Variants in MYRIP observed in about 807,000 individuals in gnomAD.
MYRIP encodes myosin VIIA and Rab interacting protein.
Under a neutral mutation model 98.0 loss-of-function variants are expected in MYRIP, and 49 were observed. That is an observed-to-expected ratio of 0.50 (90% CI 0.40 to 0.63). The LOEUF is 0.63. Ranked by LOEUF, MYRIP falls within the 30% of genes least tolerant of loss-of-function variation. The pLI is 0.00. For missense variants in MYRIP, 1,004 were observed against 1,058.2 expected (o/e 0.95, Z 0.71); for synonymous variants, 404 against 409.5 (o/e 0.99, Z 0.16).
At chr3:40,161,349 G>T (rs1404184142) in intron 4 of MYRIP, among the ~76,000 whole-genome samples, 1 of 152,146 alleles carries the variant, frequency 6.6e-6, no homozygotes, top group Non-Finnish European at 1.5e-5. Context: ...TTGTCCTCTG[G>T]TGAGGTCAGT....
intron 1 of MYRIP, among the ~76,000 whole-genome samples, chr3:39,850,295 A>G (rs1942092571): frequency 6.6e-6 from 1 of 152,216 alleles, no homozygotes; most frequent in African/African-American, 2.4e-5. Context: ...GCACTAGCCC[A>G]TTCTCCCGGT....
intron 2 of MYRIP, among the ~76,000 whole-genome samples, chr3:39,910,670 A>G (rs1943999907): frequency 6.6e-6 from 1 of 152,230 alleles, no homozygotes; most frequent in African/African-American, 2.4e-5. Context: ...TGTTTCTAAA[A>G]TTACATCTTA....
At chr3:39,991,595 G>A (rs968368393) in intron 2 of MYRIP, among the ~76,000 whole-genome samples, 9 of 151,860 alleles carry the variant, frequency 5.9e-5, no homozygotes, top group East Asian at 1.9e-4. Context: ...TTATCTTAAC[G>A]CAACAGGCAA....
intron 1 of MYRIP, among the ~76,000 whole-genome samples, chr3:39,820,988 G>T (rs992099722): frequency 1.3e-5 from 2 of 152,086 alleles, no homozygotes; most frequent in Non-Finnish European, 2.9e-5. Context: ...GGTGGATGGG[G>T]ATGCAATGCT....
intron 9 of MYRIP, among the ~76,000 whole-genome samples, chr3:40,189,129 T>C (rs1347231951): frequency 1.1e-4 from 16 of 152,194 alleles, no homozygotes; most frequent in Non-Finnish European, 2.9e-5. Context: ...TGGAGTCAGG[T>C]AGAGGATGCA....
chr3:40,170,452 G>A (rs1056216188), intron 8 of MYRIP, among the ~76,000 whole-genome samples: 20 of 152,114 alleles, frequency 1.3e-4, no homozygotes, highest in Admixed American at 1.2e-3. Flanking sequence ...TAGATTGCTT[G>A]CTTTACTGAA....
intron 10 of MYRIP, among the ~76,000 whole-genome samples, chr3:40,207,684 T>A (rs1951820928): frequency 6.6e-6 from 1 of 152,182 alleles, no homozygotes; most frequent in Non-Finnish European, 1.5e-5. Flanking sequence ...TTGCAAAATG[T>A]TGTGTGATGA....
At chr3:39,889,709 A>G (rs962425441) in intron 1 of MYRIP, among the ~76,000 whole-genome samples, 16 of 152,050 alleles carry the variant, frequency 1.1e-4, no homozygotes, top group African/African-American at 3.9e-4. Flanking sequence ...TTTTTTCCTC[A>G]TTTGACTTTG....
At position 40,167,217 on chromosome 3, in the gene MYRIP, T is replaced by G; in HGVS notation, c.707T>G (p.Leu236Arg). ...RDHKEELTEE[L>R]ATTILQKIIR... is the part of the protein sequence containing the mutation. ...CACAAGGAGGAGCTAACTGAGGAAC[T>G]GGCCACGACAATCCTGCAGAAGGTA... Residue 236 changes from leucine (L) to arginine (R), a missense_variant, in exon 7 of 17, where the codon CTG (leucine) becomes CGG (arginine). Around this residue, in one of 3 missense-constraint regions of MYRIP, gnomAD observed 880 missense variants for 907.7 expected, o/e 0.97. Transcript: ENST00000302541. 2.5e-6 allele frequency: 4 copies of G among 1,614,194 alleles called. No homozygotes were observed. The highest frequency in any genetic ancestry group is 3.4e-6 in the Non-Finnish European group (4 of 1,180,028).
chr3:40,242,103 G>A (rs1953035107), intron 12 of MYRIP: 1 of 152,196 alleles, frequency 6.6e-6, no homozygotes, highest in Non-Finnish European at 1.5e-5. Flanking sequence ...CCAGTCCCCA[G>A]CTGTGAGACC....
At chr3:39,990,203 G>A (rs1355094453) in intron 2 of MYRIP, among the ~76,000 whole-genome samples, 3 of 152,218 alleles carry the variant, frequency 2.0e-5, no homozygotes, top group Non-Finnish European at 4.4e-5. Flanking sequence ...AGGCTGGGTA[G>A]TATGCTCATT....
At chr3:40,184,929 G>A (rs2036427512) in intron 9 of MYRIP, among the ~76,000 whole-genome samples, 1 of 152,150 alleles carries the variant, frequency 6.6e-6, no homozygotes, top group South Asian at 2.1e-4. Context: ...AAAAGGACTT[G>A]GGTGGAAAAC....
At chr3:39,892,999 G>GT (rs1180940009) in intron 1 of MYRIP, among the ~76,000 whole-genome samples, 1 of 152,158 alleles carries the variant, frequency 6.6e-6, no homozygotes, top group African/African-American at 2.4e-5. Flanking sequence ...GCCAAGTATG[G>GT]TAAGAGTTTG....
intron 11 of MYRIP, among the ~76,000 whole-genome samples, chr3:40,226,082 A>G (rs760559185): frequency 1.3e-5 from 2 of 152,156 alleles, no homozygotes; most frequent in Non-Finnish European, 2.9e-5. Flanking sequence ...GATCGTATGT[A>G]GCCCTTCAGC....
At chr3:40,004,702 C>T (rs1946594450) in intron 2 of MYRIP, among the ~76,000 whole-genome samples, 1 of 152,164 alleles carries the variant, frequency 6.6e-6, no homozygotes, top group South Asian at 2.1e-4. Context: ...CATAGCTTAG[C>T]TCCCACTTAT....
At chr3:39,984,899 A>G (rs1375182474) in intron 2 of MYRIP, among the ~76,000 whole-genome samples, 1 of 151,214 alleles carries the variant, frequency 6.6e-6, no homozygotes, top group African/African-American at 2.4e-5. Context: ...TTGTTTCCTG[A>G]CTTTTTAATG....
At chr3:39,971,700 G>C (rs1337535869) in intron 2 of MYRIP, among the ~76,000 whole-genome samples, 1 of 151,902 alleles carries the variant, frequency 6.6e-6, no homozygotes, top group Non-Finnish European at 1.5e-5. Context: ...TCATTATTCA[G>C]CCTTGGTCAC....
intron 2 of MYRIP, among the ~76,000 whole-genome samples, chr3:40,020,057 T>C (rs934802835): frequency 6.6e-6 from 1 of 152,206 alleles, no homozygotes; most frequent in Non-Finnish European, 1.5e-5. Flanking sequence ...TATTGCATGA[T>C]GCTGAGATTT....
chr3:40,255,838 A>G (rs1953570705), intron 16 of MYRIP, among the ~76,000 whole-genome samples: 1 of 152,252 alleles, frequency 6.6e-6, no homozygotes, highest in Non-Finnish European at 1.5e-5. Context: ...TTATCTAACT[A>G]TGCTTTATAG....
Sources: gnomAD v4.1 joint callset for allele counts (sites outside exome capture counted in the v4.1 genomes callset) on GRCh38, gnomAD v4.1.1 for gene constraint, gnomAD v4.1.1 regional missense constraint, MANE v1.5 for transcripts, NCBI Gene and HGNC (gene_info 2026-07-23, HGNC 2026-07-21) for gene names.